Variants in ABCD3 observed in about 807,000 individuals in gnomAD.
ABCD3 encodes ATP binding cassette subfamily D member 3, also known as ATP-binding cassette sub-family D member 3.
A neutral mutation model predicts 105.5 loss-of-function variants in ABCD3; 41 were observed. The ratio of observed to expected loss-of-function variants is 0.39; its 90% CI spans 0.30 to 0.50. The LOEUF is 0.50. ABCD3 is among the 20% of genes least tolerant of loss of function. The pLI is 0.84. For missense variants in ABCD3, 622 were observed against 806.3 expected (o/e 0.77, Z 2.77); for synonymous variants, 258 against 269.0 (o/e 0.96, Z 0.40).
chr1:94,441,233 G>T (rs527876837), intron 1 of ABCD3, among the ~76,000 whole-genome samples: 21 of 152,250 alleles, frequency 1.4e-4, no homozygotes, highest in African/African-American at 5.1e-4. Context: ...GGGCTAATAA[G>T]TATATAGATG....
chr1:94,454,991 A>T (rs1005442962), intron 1 of ABCD3, among the ~76,000 whole-genome samples: 2 of 152,178 alleles, frequency 1.3e-5, no homozygotes, highest in African/African-American at 2.4e-5. Flanking sequence ...TTTCATTTTG[A>T]TGATAAATTA....
Position 94,498,523 on chromosome 1 carries a change from T to C in ABCD3, c.1387-79T>C, listed in dbSNP as rs1388049423. On this transcript the variant is annotated intron_variant, in intron 16 of 22. Coordinates refer to ENST00000370214, the MANE Select transcript of ABCD3 (RefSeq NM_002858.4). The stretch of plus-strand genomic sequence containing the variant: ...TAATTAGCCAGGAGCTATTAATATT[T>C]GAGTCTAAGGAAATGTTGATTAAGT... The C allele has an allele frequency of 5.7e-6, 8 of 1,406,160 alleles. No homozygotes were observed. In the Admixed American group the frequency reaches 1.1e-4, roughly 19 times the overall value. 87.1% of individuals were successfully genotyped at this position (1,406,160 alleles called of 1,614,324 possible). A position where few individuals can be genotyped will look rare whatever the true frequency, so the allele number is the denominator to read the frequency against.
intron 16 of ABCD3, among the ~76,000 whole-genome samples, chr1:94,496,882 C>G (rs1018149849): frequency 1.3e-5 from 2 of 151,470 alleles, no homozygotes; most frequent in East Asian, 1.9e-4. Flanking sequence ...ATTCTCATGC[C>G]TCAGCCTCCT....
chr1:94,459,475 GC>G (rs1406827473), intron 2 of ABCD3, among the ~76,000 whole-genome samples: 1 of 152,028 alleles, frequency 6.6e-6, no homozygotes, highest in Non-Finnish European at 1.5e-5. Flanking sequence ...ATACAATATT[GC>G]TAAAATTCAT....
rs529842608 is a variant in ABCD3, at chr1:94,512,189, T to G, written c.1846-2957T>G. 3.3e-5 allele frequency among the ~76,000 whole-genome samples: 5 copies of G among 152,192 alleles called. No individual in the cohort carries two copies. The South Asian group carries it at 8.3e-4, about 25-fold the overall frequency. On this transcript the variant is annotated intron_variant, in intron 21 of 22. Coordinates refer to ENST00000370214, the MANE Select transcript of ABCD3 (RefSeq NM_002858.4). Reference sequence around the variant, plus strand: ...GTTTTTGGTGTGGATGTCCTTTCTGTTTGTTAGTTTTCCTTCTGACAGACA... The same window carrying G: ...GTTTTTGGTGTGGATGTCCTTTCTGGTTGTTAGTTTTCCTTCTGACAGACA...
chr1:94,434,533 G>A (rs898193970), intron 1 of ABCD3, among the ~76,000 whole-genome samples: 1 of 152,004 alleles, frequency 6.6e-6, no homozygotes, highest in Non-Finnish European at 1.5e-5. Flanking sequence ...GTTGTACTGC[G>A]GTATGATGTC....
At chr1:94,430,663 C>T (rs1301399137) in intron 1 of ABCD3, among the ~76,000 whole-genome samples, 1 of 152,130 alleles carries the variant, frequency 6.6e-6, no homozygotes, top group East Asian at 1.9e-4. Flanking sequence ...ACTGTGAGTC[C>T]AGTTAAACCT....
chr1:94,392,433 G>A, the ABCD3 span, among the ~76,000 whole-genome samples: 1 of 152,184 alleles, frequency 6.6e-6, no homozygotes, highest in Non-Finnish European at 1.5e-5. Context: ...GTTGTGTTAG[G>A]TCAGTGAGAT....
At chr1:94,437,707 G>A (rs1209829904) in intron 1 of ABCD3, among the ~76,000 whole-genome samples, 1 of 152,194 alleles carries the variant, frequency 6.6e-6, no homozygotes, top group African/African-American at 2.4e-5. Context: ...CATTTTGGAA[G>A]GCTGTAGTTT....
intron 13 of ABCD3, 56 bp downstream of exon 13, chr1:94,488,039 C>G: frequency 1.5e-6 from 2 of 1,346,876 alleles, no homozygotes; most frequent in Non-Finnish European, 2.1e-6. Flanking sequence ...ATATATTATC[C>G]TTAATGATTG....
chr1:94,435,893 C>G (rs533559344), intron 1 of ABCD3, among the ~76,000 whole-genome samples: 1 of 152,298 alleles, frequency 6.6e-6, no homozygotes, highest in African/African-American at 2.4e-5. Context: ...TTTATTACAG[C>G]TCTTGTCCTT....
Position 94,487,696 on chromosome 1 carries a change from C to G in ABCD3, c.970C>G (p.Leu324Val), listed in dbSNP as rs975487261. The stretch of plus-strand genomic sequence containing the variant: ...AAATCTTACCTGTTTGGTTTCAGAC[C>G]TTGCCACTGTTGTTGGTTACCTAGT... Reference protein sequence around the residue: ...GFIDSIIAKYLATVVGYLVVS... With the variant: ...GFIDSIIAKYVATVVGYLVVS... The change falls in exon 12 of 23, where the codon CTT (leucine) becomes GTT (valine). Residue 324 changes from leucine (L) to valine (V), a missense_variant and splice_region_variant. By Grantham distance (32) the Leu-to-Val change is conservative (BLOSUM62 1). Around this residue, in one of 4 missense-constraint regions of ABCD3, gnomAD observed 245 missense variants for 356.4 expected, o/e 0.69. Coordinates refer to ENST00000370214, the MANE Select transcript of ABCD3 (RefSeq NM_002858.4). 2 of 1,613,962 alleles carry G rather than the reference C, an allele frequency of 1.2e-6. No homozygotes were observed. The highest frequency in any genetic ancestry group is 1.7e-6 in the Non-Finnish European group (2 of 1,179,916).
At chr1:94,430,109 A>G (rs946228237) in intron 1 of ABCD3, among the ~76,000 whole-genome samples, 1 of 152,246 alleles carries the variant, frequency 6.6e-6, no homozygotes, top group African/African-American at 2.4e-5. Context: ...ATTTGATGGC[A>G]CTGCCAGATT....
chr1:94,489,180 C>G (rs1037596139), intron 13 of ABCD3, among the ~76,000 whole-genome samples: 1 of 151,988 alleles, frequency 6.6e-6, no homozygotes, highest in Non-Finnish European at 1.5e-5. Flanking sequence ...TGATTTTTCT[C>G]TATTGCCACA....
chr1:94,433,363 A>G (rs1659764074), intron 1 of ABCD3, among the ~76,000 whole-genome samples: 1 of 151,684 alleles, frequency 6.6e-6, no homozygotes, highest in Admixed American at 6.6e-5. Flanking sequence ...CATTTTGGCT[A>G]GGCTGGTCTG....
At chr1:94,403,397 A>T in the ABCD3 span, among the ~76,000 whole-genome samples, 3 of 150,786 alleles carry the variant, frequency 2.0e-5, no homozygotes, top group African/African-American at 7.5e-5. Context: ...ATAAGCAGTT[A>T]TCTGTCAGCA....
At chr1:94,451,223 T>C (rs1254526451) in intron 1 of ABCD3, among the ~76,000 whole-genome samples, 1 of 152,202 alleles carries the variant, frequency 6.6e-6, no homozygotes, top group African/African-American at 2.4e-5. Flanking sequence ...AGGATGACTC[T>C]GGAAATGCCA....
upstream of ABCD3, among the ~76,000 whole-genome samples, chr1:94,417,580 A>G (rs2100857403): frequency 6.6e-6 from 1 of 152,356 alleles, no homozygotes; most frequent in South Asian, 2.1e-4. Context: ...ACAACGCACG[A>G]TTGTTACTTC....
At chr1:94,482,704 G>C (rs188707434) in intron 9 of ABCD3, 2 of 165,358 alleles carry the variant, frequency 1.2e-5, no homozygotes, top group East Asian at 3.4e-4. Flanking sequence ...CTTTGAAGCC[G>C]GTGGGACTTA....
Sources: allele counts gnomAD v4.1 joint callset (sites outside exome capture counted in the v4.1 genomes callset), GRCh38; gene constraint gnomAD v4.1.1; regional missense constraint gnomAD v4.1.1; transcripts MANE v1.5; gene names NCBI Gene and HGNC (gene_info 2026-07-23, HGNC 2026-07-21).